SLC4A2: variants seen among roughly 807,000 people sequenced by gnomAD.
SLC4A2 encodes the protein solute carrier family 4 member 2, also known as anion exchange protein 2.
Under a neutral mutation model 115.0 loss-of-function variants are expected in SLC4A2, and 36 were observed. That is an observed-to-expected ratio of 0.31 (90% CI 0.24 to 0.41). SLC4A2 has a LOEUF of 0.41. Ranked by LOEUF, SLC4A2 falls within the 10% of genes least tolerant of loss-of-function variation. The probability of loss-of-function intolerance (pLI) is 1.00; values close to 1 mark genes in which losing one functional copy is unlikely to be tolerated. For synonymous variants in SLC4A2, 708 were observed against 708.3 expected, an observed-to-expected ratio of 1.00 and a Z score of 0.01; for missense variants, 1,252 against 1,705.6, an observed-to-expected ratio of 0.73 and a Z score of 4.68.
At chr7:151,064,057 T>TG in intron 2 of SLC4A2, 145 bp from the exon 3 acceptor site, 1 of 729,008 alleles carries the variant, frequency 1.4e-6, no homozygotes, top group Non-Finnish European at 2.2e-6. Flanking sequence ...GGACAGCTGC[T>TG]GGGGGCATAT....
intron 16 of SLC4A2, 74 bp from the exon 17 acceptor site, chr7:151,073,965 C>T: frequency 1.4e-6 from 2 of 1,475,808 alleles, no homozygotes; most frequent in Middle Eastern, 2.6e-4. Flanking sequence ...ACCCCTTCCA[C>T]CCGACACTCA....
At chr7:151,072,311 T>A (rs1040045491) in intron 16 of SLC4A2, among the ~76,000 whole-genome samples, 175 bp downstream of exon 16, 5 of 152,222 alleles carry the variant, frequency 3.3e-5, no homozygotes, top group African/African-American at 9.7e-5. Context: ...TTAATTAATT[T>A]GAGACATTCT....
At chr7:151,074,988 C>A in intron 19 of SLC4A2, 147 bp downstream of exon 19, 1 of 935,496 alleles carries the variant, frequency 1.1e-6, no homozygotes, top group Non-Finnish European at 1.6e-6. Context: ...ATTCTGTAGA[C>A]AGCAGAAAAA....
Position 151,071,614 on chromosome 7 carries a change from A to G in SLC4A2, c.2191+9A>G. 1 of 1,613,442 alleles carries G rather than the reference A, an allele frequency of 6.2e-7. No individual in the cohort carries two copies. The highest frequency in any genetic ancestry group is 8.5e-7 in the Non-Finnish European group (1 of 1,179,856). On this transcript the variant is annotated intron_variant, in intron 14 of 22. Coordinates refer to ENST00000413384, the MANE Select transcript of SLC4A2 (RefSeq NM_003040.4). This position sits in a 1 kb window ranked among gnomAD's most constrained non-coding sequence, Gnocchi z 5.5. The stretch of plus-strand genomic sequence containing the variant: ...CTTTGGGGGGCTGCTGGGTGAGGAG[A>G]GCCTTCAGGTAGGGGGCGGCGGGGA...
rs774483488 is a variant in SLC4A2 at position 151,075,512 on chromosome 7, C to T, written c.3301+4C>T. 75 of 1,597,604 alleles carry T rather than the reference C, an allele frequency of 4.7e-5. No homozygotes were observed. Among genetic ancestry groups the T allele is most frequent in the East Asian group, 1.3e-4 (6 of 44,802 alleles). On this transcript the variant is annotated splice_donor_region_variant and intron_variant, in intron 20 of 22. Coordinates refer to ENST00000413384, the MANE Select transcript of SLC4A2 (RefSeq NM_003040.4). ...CTGCTGGTTGCCCTGCTTGTGGGTA[C>T]GTTGCCTCTTGCCTTTCCCTTCCCA...
intron 2 of SLC4A2, chr7:151,062,595 A>G: frequency 6.7e-7 from 1 of 1,488,334 alleles, no homozygotes; most frequent in South Asian, 1.3e-5. Flanking sequence ...GAAGGGGCAC[A>G]GGCTGGTCCC....
chr7:151,075,727 G>A lies in SLC4A2; in HGVS notation c.3423G>A (p.Leu1141=), dbSNP rs1394237385. 6.2e-7 allele frequency: 1 copy of A among 1,610,866 alleles called. No individual in the cohort carries two copies. The highest frequency in any genetic ancestry group is 8.5e-7 in the Non-Finnish European group (1 of 1,177,404). Residue 1141 remains leucine (L), a synonymous_variant, in exon 21 of 23, where the codon CTG becomes CTA. Transcript: ENST00000413384. The part of the protein sequence containing the change: ...NGIQFYERLH[L]LLMPPKHHPD... ...TCCAGTTCTATGAGCGGCTGCATCT[G>A]CTGCTCATGCCGCCCAAACACCACC...
chr7:151,062,191 G>A (rs1461666630), intron 2 of SLC4A2, among the ~76,000 whole-genome samples, 153 bp downstream of exon 2: 1 of 152,140 alleles, frequency 6.6e-6, no homozygotes, highest in African/African-American at 2.4e-5. Context: ...TTGCATGATG[G>A]TCGTAGGGGG....
intron 2 of SLC4A2, among the ~76,000 whole-genome samples, chr7:151,063,564 G>C (rs1353227192): frequency 2.6e-5 from 4 of 151,776 alleles, no homozygotes; most frequent in Non-Finnish European, 5.9e-5. Flanking sequence ...CAGAACCCAG[G>C]GGACAGCTGC....
chr7:151,076,284 C>T lies in SLC4A2; in HGVS notation c.3646-3C>T, dbSNP rs1475221567. ...TTCTTGACCGCCACCTCCCCACACA[C>T]AGCTGGATGCTAACGAGGCAGAGCC... On this transcript the variant is annotated splice_polypyrimidine_tract_variant and splice_region_variant and intron_variant, in intron 22 of 22. Coordinates refer to ENST00000413384, the MANE Select transcript of SLC4A2 (RefSeq NM_003040.4). The T allele has an allele frequency of 1.3e-6, 2 of 1,564,650 alleles. No homozygotes were observed. Among genetic ancestry groups the T allele is most frequent in the Admixed American group, 3.6e-5 (2 of 55,664 alleles).
chr7:151,070,717 A>G lies in SLC4A2; in HGVS notation c.1565-10A>G. On this transcript the variant is annotated splice_polypyrimidine_tract_variant and intron_variant, in intron 11 of 22. Coordinates refer to ENST00000413384, the MANE Select transcript of SLC4A2 (RefSeq NM_003040.4). ...CTCTGCTCTTGCCCACGATGGTCCC[A>G]CGCCCCTAGGCTGCGTGGAGTTCCT... 2 of 1,612,318 alleles carry G rather than the reference A, an allele frequency of 1.2e-6. No homozygotes were observed.
intron 2 of SLC4A2, chr7:151,062,447 GCCC>G: frequency 1.8e-6 from 2 of 1,117,392 alleles, no homozygotes; most frequent in Non-Finnish European, 2.4e-6. Context: ...TGCCACCCAG[GCCC>G]GCCCCTCCCT....
At chr7:151,072,819 C>A (rs368102977) in intron 16 of SLC4A2, among the ~76,000 whole-genome samples, 32 of 151,988 alleles carry the variant, frequency 2.1e-4, no homozygotes, top group African/African-American at 7.5e-4. Flanking sequence ...CCACCATGCC[C>A]GGCTAAATTT....
intron 8 of SLC4A2, among the ~76,000 whole-genome samples, chr7:151,069,383 T>C (rs908064524): frequency 6.6e-6 from 1 of 152,144 alleles, no homozygotes; most frequent in Non-Finnish European, 1.5e-5. Context: ...TGGTAACTTT[T>C]GAAGGGACTG....
chr7:151,071,921 C>T lies in SLC4A2; in HGVS notation c.2341-21C>T. ...CAGCATCCCCACCCAGAGCTCAGGA[C>T]CTGACTGCCCCTCCCTCCAGTTCTG... On this transcript the variant is annotated intron_variant, in intron 15 of 22. Coordinates refer to ENST00000413384, the MANE Select transcript of SLC4A2 (RefSeq NM_003040.4). This position sits in a 1 kb window ranked among gnomAD's most constrained non-coding sequence, Gnocchi z 5.5. 6.2e-7 allele frequency: 1 copy of T among 1,612,370 alleles called. No individual in the cohort carries two copies. Among genetic ancestry groups the T allele is most frequent in the South Asian group, 1.1e-5 (1 of 91,046 alleles).
Position 151,071,717 on chromosome 7 carries a change from G to A in SLC4A2, c.2220G>A (p.Val740=), listed in dbSNP as rs387907528. The part of the protein sequence containing the change: ...LGEKTQDLIG[V]SELIMSTALQ... ...AGAAGACGCAGGACCTGATAGGGGT[G>A]TCGGAGCTGATTATGTCCACAGCGC... Residue 740 remains valine, a synonymous_variant, in exon 15 of 23, where the codon GTG becomes GTA. Coordinates refer to ENST00000413384, the MANE Select transcript of SLC4A2 (RefSeq NM_003040.4). The surrounding 1 kb of genome is among the most constrained non-coding windows in gnomAD (Gnocchi z 5.5). 1.2e-6 allele frequency: 2 copies of A among 1,611,038 alleles called. No homozygotes were observed. The highest frequency in any genetic ancestry group is 1.7e-6 in the Non-Finnish European group (2 of 1,178,350).
Position 151,070,925 on chromosome 7 carries a change from C to G in SLC4A2, c.1749+14C>G. 6.2e-7 allele frequency: 1 copy of G among 1,610,508 alleles called. No individual in the cohort carries two copies. Among genetic ancestry groups the G allele is most frequent in the Non-Finnish European group, 8.5e-7 (1 of 1,179,052 alleles). ...ATGTCAGACAAGGTCAGCTACCCTC[C>G]TCCTCTGGGCCCTGCTTCCTGGAGC... On this transcript the variant is annotated intron_variant, in intron 12 of 22. Coordinates refer to ENST00000413384, the MANE Select transcript of SLC4A2 (RefSeq NM_003040.4).
chr7:151,062,529 CG>C, intron 2 of SLC4A2: 2 of 1,385,998 alleles, frequency 1.4e-6, no homozygotes, highest in Non-Finnish European at 1.9e-6. Context: ...TGATTAACCC[CG>C]TGCCACAATC....
rs1797398661 is a variant in SLC4A2 at position 151,070,557 on chromosome 7, C to T, written c.1550C>T (p.Thr517Met). ...AAGATTCCTGAGAATGCCGAGGCCACGGTGGTCCTTGTGGGTATGTGGGGC... is the reference window on the plus strand; with the variant it reads ...AAGATTCCTGAGAATGCCGAGGCCATGGTGGTCCTTGTGGGTATGTGGGGC... ...LEKIPENAEA[T>M]VVLVGCVEFL... The change falls in exon 11 of 23, where the codon ACG (threonine) becomes ATG (methionine). Residue 517 changes from threonine to methionine, a missense_variant. Coordinates refer to ENST00000413384, the MANE Select transcript of SLC4A2 (RefSeq NM_003040.4). 3 of 1,613,338 alleles carry T rather than the reference C, an allele frequency of 1.9e-6. No individual in the cohort carries two copies. Among genetic ancestry groups the T allele is most frequent in the Non-Finnish European group, 2.5e-6 (3 of 1,179,726 alleles).
Sources: gnomAD v4.1 joint callset for allele counts (sites outside exome capture counted in the v4.1 genomes callset) on GRCh38, gnomAD v4.1.1 for gene constraint, Gnocchi (gnomAD v3.1) non-coding constraint, MANE v1.5 for transcripts, NCBI Gene and HGNC (gene_info 2026-07-23, HGNC 2026-07-21) for gene names.